Variants in LRP1B observed in about 807,000 individuals in gnomAD.
LRP1B encodes LDL receptor related protein 1B.
A neutral mutation model predicts 556.6 loss-of-function variants in LRP1B; 217 were observed. The observed-to-expected ratio is 0.39, with a 90% CI of 0.35 to 0.44. The LOEUF is 0.44. Among genes scored for constraint, LRP1B ranks in the 20% least tolerant of loss-of-function variants. The pLI is 1.00. For synonymous variants in LRP1B, 2,047 were observed against 1,865.8 expected (o/e 1.10, Z -2.50); for missense variants, 5,053 against 5,620.8 (o/e 0.90, Z 3.23).
chr2:140,571,800 G>A (rs2105107675), intron 43 of LRP1B, among the ~76,000 whole-genome samples: 1 of 151,568 alleles, frequency 6.6e-6, no homozygotes, highest in East Asian at 1.9e-4. Flanking sequence ...GCATAACAAT[G>A]GACAATTAGA....
At chr2:141,382,332 A>C (rs1689672253) in intron 3 of LRP1B, among the ~76,000 whole-genome samples, 1 of 152,220 alleles carries the variant, frequency 6.6e-6, no homozygotes, top group Admixed American at 6.5e-5. Flanking sequence ...TGGGCTTGCC[A>C]GCCTCTGTGC....
intron 3 of LRP1B, among the ~76,000 whole-genome samples, chr2:141,304,166 C>G (rs188425205): frequency 1.8e-3 from 277 of 152,146 alleles, no homozygotes; most frequent in African/African-American, 6.4e-3. Flanking sequence ...GGATATTAGT[C>G]CCTTGTTGGA....
chr2:140,289,856 T>A lies in LRP1B; in HGVS notation c.12967+7952A>T, dbSNP rs554328843. Reference sequence around the variant, plus strand: ...TTAAAATCTAATTTTATTTTTACACTTTTTTCCTTTAATCTTTGAAACTGG... The same window carrying A: ...TTAAAATCTAATTTTATTTTTACACATTTTTCCTTTAATCTTTGAAACTGG... On this transcript the variant is annotated intron_variant, in intron 84 of 90. Coordinates refer to ENST00000389484, the MANE Select transcript of LRP1B (RefSeq NM_018557.3). 4.6e-5 allele frequency among the ~76,000 whole-genome samples: 7 copies of A among 152,148 alleles called. No individual in the cohort carries two copies. The East Asian group carries it at 1.4e-3, about 29-fold the overall frequency.
intron 2 of LRP1B, among the ~76,000 whole-genome samples, chr2:141,726,823 C>T (rs142918638): frequency 6.6e-6 from 1 of 152,008 alleles, no homozygotes; most frequent in African/African-American, 2.4e-5. Flanking sequence ...AGAATTGATT[C>T]AAAGTTGAAG....
chr2:142,096,324 G>C (rs1706366212), intron 1 of LRP1B, among the ~76,000 whole-genome samples: 1 of 151,544 alleles, frequency 6.6e-6, no homozygotes, highest in African/African-American at 2.4e-5. Context: ...AGGCAGAAAA[G>C]GAGTTTAAAG....
intron 11 of LRP1B, among the ~76,000 whole-genome samples, chr2:141,021,375 T>A (rs1318314086): frequency 2.9e-5 from 4 of 136,592 alleles, no homozygotes; most frequent in Admixed American, 2.2e-4. Flanking sequence ...AAAATTCCAT[T>A]ACAGTGAATC....
intron 25 of LRP1B, among the ~76,000 whole-genome samples, chr2:140,879,870 A>T (rs1345075849): frequency 1.9e-4 from 29 of 151,944 alleles, no homozygotes; most frequent in Admixed American, 1.9e-3. Context: ...GACATGAACA[A>T]CTTGTAGCAT....
chr2:140,361,169 G>T (rs1352057549), intron 72 of LRP1B, among the ~76,000 whole-genome samples: 5 of 149,750 alleles, frequency 3.3e-5, no homozygotes, highest in Non-Finnish European at 7.4e-5. Flanking sequence ...GGATTCTCTG[G>T]CCCTTTTCTC....
intron 77 of LRP1B, among the ~76,000 whole-genome samples, chr2:140,346,488 T>A (rs1314077911): frequency 1.3e-5 from 2 of 151,964 alleles, no homozygotes; most frequent in Admixed American, 1.3e-4. Context: ...CCACAAATGG[T>A]AATGATGTAA....
At chr2:141,497,927 TAAAAGTA>T (rs1040673417) in intron 2 of LRP1B, among the ~76,000 whole-genome samples, 3 of 151,824 alleles carry the variant, frequency 2.0e-5, no homozygotes, top group Non-Finnish European at 4.4e-5. Flanking sequence ...GACATGTTTC[TAAAAGTA>T]AAAATAACCT....
chr2:141,639,436 C>A, intron 2 of LRP1B, among the ~76,000 whole-genome samples: 1 of 136,116 alleles, frequency 7.3e-6, no homozygotes, highest in African/African-American at 2.7e-5. Context: ...TTTTTTGAGA[C>A]AGAGTCTCAC....
At chr2:140,626,996 C>T (rs1357302380) in intron 41 of LRP1B, among the ~76,000 whole-genome samples, 1 of 152,104 alleles carries the variant, frequency 6.6e-6, no homozygotes, top group Non-Finnish European at 1.5e-5. Context: ...TCAATGAATA[C>T]TATCACTTTT....
At chr2:140,954,014 A>C (rs1263092592) in intron 18 of LRP1B, among the ~76,000 whole-genome samples, 2 of 152,200 alleles carry the variant, frequency 1.3e-5, no homozygotes, top group Non-Finnish European at 2.9e-5. Context: ...AACATTTCTC[A>C]TACATTGTTT....
intron 43 of LRP1B, among the ~76,000 whole-genome samples, chr2:140,572,379 C>T (rs192582684): frequency 1.3e-5 from 2 of 151,298 alleles, no homozygotes; most frequent in East Asian, 3.9e-4. Context: ...AAATGGCCAA[C>T]AGGTATCTGA....
intron 1 of LRP1B, among the ~76,000 whole-genome samples, chr2:141,975,125 C>T (rs978154616): frequency 1.3e-5 from 2 of 152,006 alleles, no homozygotes; most frequent in Non-Finnish European, 2.9e-5. Flanking sequence ...AGAAGTTTGA[C>T]ATACATCTAG....
chr2:141,519,511 A>G (rs1268938566), intron 2 of LRP1B, among the ~76,000 whole-genome samples: 1 of 151,672 alleles, frequency 6.6e-6, no homozygotes, highest in Non-Finnish European at 1.5e-5. Context: ...CAGTTGAAGT[A>G]TGCCATGTCA....
chr2:140,777,724 AAGAGATTCT>A (rs1177410443), intron 32 of LRP1B, among the ~76,000 whole-genome samples: 1 of 152,146 alleles, frequency 6.6e-6, no homozygotes, highest in Non-Finnish European at 1.5e-5. Context: ...TAACATACTC[AAGAGATTCT>A]AGTACATATA....
chr2:141,021,703 T>A (rs536578078), intron 11 of LRP1B, among the ~76,000 whole-genome samples: 1 of 152,088 alleles, frequency 6.6e-6, no homozygotes, highest in South Asian at 2.1e-4. Context: ...CCTTTTAACA[T>A]ATGACTTGAG....
At chr2:140,828,220 A>C (rs1180750174) in intron 31 of LRP1B, among the ~76,000 whole-genome samples, 1 of 152,238 alleles carries the variant, frequency 6.6e-6, no homozygotes, top group Non-Finnish European at 1.5e-5. Context: ...AGACAAATTC[A>C]TAATACTCCA....
Sources: gnomAD v4.1 joint callset for allele counts (sites outside exome capture counted in the v4.1 genomes callset) on GRCh38, gnomAD v4.1.1 for gene constraint, MANE v1.5 for transcripts, NCBI Gene and HGNC (gene_info 2026-07-23, HGNC 2026-07-21) for gene names.